The following NEBL variants were observed in gnomAD, a reference collection of about 807,000 sequenced individuals.
The protein encoded by NEBL is LIM and SH3 protein 2.
In NEBL, 122 loss-of-function variants were observed where a neutral mutation model predicts 140.2. That is an observed-to-expected ratio of 0.87 (90% confidence interval 0.75 to 1.01). The LOEUF is 1.01. Ranked by LOEUF, NEBL falls within the 50% of genes least tolerant of loss-of-function variation. NEBL has a pLI of 0.00. For synonymous variants in NEBL, 436 were observed against 398.9 expected (o/e 1.09, Z -1.11); for missense variants, 1,365 against 1,231.3 (o/e 1.11, Z -1.62).
chr10:20,942,303 T>A (rs1476057900), intron 4 of NEBL, among the ~76,000 whole-genome samples: 4 of 152,136 alleles, frequency 2.6e-5, no homozygotes, highest in Non-Finnish European at 4.4e-5. Flanking sequence ...CAACCATCTG[T>A]TCTTTGACAA....
At chr10:21,064,622 T>C (rs10828183) in intron 2 of NEBL, among the ~76,000 whole-genome samples, 61,414 of 152,086 alleles carry the variant, frequency 0.4, 12,468 homozygotes, top group Middle Eastern at 0.47. Flanking sequence ...GTTGTTGGTG[T>C]TTTAAAAGTA....
chr10:20,828,528 A>G lies in NEBL; in HGVS notation c.1776+2T>C. The G allele has an allele frequency of 1.3e-6, 2 of 1,559,124 alleles. No individual in the cohort carries two copies. Among genetic ancestry groups the G allele is most frequent in the Non-Finnish European group, 1.8e-6 (2 of 1,130,430 alleles). On this transcript the variant is annotated splice_donor_variant, in intron 17 of 27. Coordinates refer to ENST00000377122, the MANE Select transcript of NEBL (RefSeq NM_006393.3). LOFTEE classifies it high-confidence loss of function. ...AACTTAAAAGAAGTAATGGCTACTC[A>G]CCGCACTAATGTTTTGTTGAGTTGT...
upstream of NEBL, among the ~76,000 whole-genome samples, chr10:21,178,401 G>T (rs1292678715): frequency 6.6e-6 from 1 of 152,120 alleles, no homozygotes; most frequent in Non-Finnish European, 1.5e-5. Flanking sequence ...TATGATAAAT[G>T]CTCTAAAATA....
chr10:21,044,640 C>T (rs1371750745), intron 2 of NEBL, among the ~76,000 whole-genome samples: 1 of 152,116 alleles, frequency 6.6e-6, no homozygotes, highest in Non-Finnish European at 1.5e-5. Flanking sequence ...CCAAACAAAT[C>T]CATTTGCTTT....
intron 4 of NEBL, among the ~76,000 whole-genome samples, chr10:20,916,426 G>T (rs1488500331): frequency 2.0e-5 from 3 of 152,100 alleles, no homozygotes; most frequent in Admixed American, 6.6e-5. Flanking sequence ...CTTGGGAAAG[G>T]GTCTCACTCT....
chr10:20,922,949 T>C (rs1356595323), intron 4 of NEBL, among the ~76,000 whole-genome samples: 2 of 152,206 alleles, frequency 1.3e-5, no homozygotes, highest in Admixed American at 6.5e-5. Context: ...GAGGGGAGTA[T>C]AGGGAAGCAC....
chr10:21,276,883 C>G (rs2132294307), intron 1 of NEBL, among the ~76,000 whole-genome samples: 1 of 152,192 alleles, frequency 6.6e-6, no homozygotes, highest in Middle Eastern at 3.4e-3. Flanking sequence ...GCATGAGAAT[C>G]ACGTGAACCT....
chr10:20,939,605 G>T (rs1389137953), intron 4 of NEBL, among the ~76,000 whole-genome samples: 1 of 152,038 alleles, frequency 6.6e-6, no homozygotes, highest in East Asian at 1.9e-4. Flanking sequence ...AAACGTAAAT[G>T]GGCTAAATGC....
Position 20,813,234 on chromosome 10 carries a change from C to T in NEBL, c.2347-294G>A, listed in dbSNP as rs1588665809. Among the ~76,000 whole-genome samples, 7 of 151,032 alleles carry T rather than the reference C, an allele frequency of 4.6e-5. No individual in the cohort carries two copies. In the South Asian group the frequency reaches 1.5e-3, roughly 32 times the overall value. Reference sequence around the variant, plus strand: ...CTTGTAAAAATACATATTCTCAAATCCTGGTTACTTCCTAAAATATACTAA... The same window carrying T: ...CTTGTAAAAATACATATTCTCAAATTCTGGTTACTTCCTAAAATATACTAA... On this transcript the variant is annotated intron_variant, in intron 23 of 27. Transcript: ENST00000377122.
At chr10:21,020,462 G>T (rs1362473466) in intron 2 of NEBL, among the ~76,000 whole-genome samples, 1 of 151,920 alleles carries the variant, frequency 6.6e-6, no homozygotes, top group Non-Finnish European at 1.5e-5. Flanking sequence ...CATGCTCAAG[G>T]TTCTCCTAAC....
intron 18 of NEBL, among the ~76,000 whole-genome samples, chr10:20,824,830 G>A (rs1469967443): frequency 6.6e-6 from 1 of 152,178 alleles, no homozygotes; most frequent in Non-Finnish European, 1.5e-5. Context: ...TTTCACTGTA[G>A]TCTATAGAAT....
At chr10:21,181,571 T>G (rs1360136968) in intron 3 of NEBL, among the ~76,000 whole-genome samples, 4 of 152,126 alleles carry the variant, frequency 2.6e-5, no homozygotes, top group Non-Finnish European at 5.9e-5. Flanking sequence ...TGTAATAGGA[T>G]CAATTCAAGG....
intron 2 of NEBL, among the ~76,000 whole-genome samples, chr10:21,046,633 C>T (rs1381304020): frequency 1.3e-5 from 2 of 152,162 alleles, no homozygotes; most frequent in South Asian, 2.1e-4. Flanking sequence ...CGGAGTGTGA[C>T]TCTGTCGCCC....
chr10:21,066,971 C>CTTTTTTTTTTTTTTTTTT (rs56352671), intron 2 of NEBL, among the ~76,000 whole-genome samples: 1 of 112,832 alleles, frequency 8.9e-6, no homozygotes. Context: ...AATAATTTAA[C>CTTTTTTTTTTTTTTTTTT]TTTTTTTTTT....
intron 1 of NEBL, among the ~76,000 whole-genome samples, chr10:21,289,432 CA>C (rs1443359999): frequency 2.0e-5 from 3 of 152,198 alleles, no homozygotes; most frequent in Non-Finnish European, 2.9e-5. Flanking sequence ...CTTTTGTCCT[CA>C]AATTTGTTTT....
intron 2 of NEBL, among the ~76,000 whole-genome samples, chr10:21,024,925 C>T (rs145649868): frequency 0.011 from 1,705 of 152,278 alleles, 49 homozygotes; most frequent in African/African-American, 0.039. Flanking sequence ...TAACACGAAT[C>T]GGTAGCACCA....
At chr10:21,070,508 TTTTAAAGAGTACA>T (rs1250793529) in intron 2 of NEBL, among the ~76,000 whole-genome samples, 2 of 152,134 alleles carry the variant, frequency 1.3e-5, no homozygotes, top group Non-Finnish European at 2.9e-5. Context: ...AATCATGCTG[TTTTAAAGAGTACA>T]TAATATCCTA....
At chr10:21,082,521 T>C (rs908965301) in intron 2 of NEBL, among the ~76,000 whole-genome samples, 7 of 136,738 alleles carry the variant, frequency 5.1e-5, no homozygotes, top group Admixed American at 1.5e-4. Context: ...GTTTGAAGTG[T>C]TCCCCACCAC....
chr10:20,989,085 G>A (rs1837363562), intron 3 of NEBL, among the ~76,000 whole-genome samples: 1 of 152,148 alleles, frequency 6.6e-6, no homozygotes, highest in African/African-American at 2.4e-5. Flanking sequence ...AATTTTTGCT[G>A]CCAGAATCTG....
Sources: allele counts gnomAD v4.1 joint callset (sites outside exome capture counted in the v4.1 genomes callset), GRCh38; gene constraint gnomAD v4.1.1; transcripts MANE v1.5; gene names NCBI Gene and HGNC (gene_info 2026-07-23, HGNC 2026-07-21).